Variants in EPB41L2 observed in about 807,000 individuals in gnomAD.
The protein encoded by EPB41L2 is band 4.1-like protein 2.
EPB41L2 carries 43 observed loss-of-function variants against 113.0 expected under a neutral mutation model. The observed-to-expected ratio is 0.38, with a 90% CI of 0.30 to 0.49. EPB41L2 has a LOEUF of 0.49. Among genes scored for constraint, EPB41L2 ranks in the 20% least tolerant of loss-of-function variants. The probability of loss-of-function intolerance (pLI) is 0.95; values close to 1 mark genes in which losing one functional copy is unlikely to be tolerated. For missense variants in EPB41L2, 1,147 were observed against 1,223.4 expected, an observed-to-expected ratio of 0.94 and a Z score of 0.93; for synonymous variants, 442 against 436.7, an observed-to-expected ratio of 1.01 and a Z score of -0.15.
At chr6:130,885,356 G>T in intron 11 of EPB41L2, 88 bp from the exon 12 acceptor site, 2 of 1,268,640 alleles carry the variant, frequency 1.6e-6, no homozygotes, top group Non-Finnish European at 1.1e-6. Context: ...AGATAAACAG[G>T]CAGCATATAA....
rs185848521 is a variant in EPB41L2, at chr6:130,839,886, G to A, written c.*718C>T. The stretch of plus-strand genomic sequence containing the variant: ...AAGCATTGGCACTGTGGTGCGGCAG[G>A]GTCTCTAAGCACAGTGCACAGTCAG... On this transcript the variant is annotated 3_prime_UTR_variant, in exon 20 of 20. Transcript: ENST00000337057. 6 of 152,262 alleles carry A rather than the reference G, an allele frequency of 3.9e-5. No individual in the cohort carries two copies. The East Asian group carries it at 9.6e-4, about 24-fold the overall frequency. The allele number at this position is 152,262 out of a possible 1,614,324, so 9.4% of individuals were successfully genotyped here.
intron 1 of EPB41L2, among the ~76,000 whole-genome samples, chr6:131,059,038 C>T (rs1006308563): frequency 6.6e-6 from 1 of 151,642 alleles, no homozygotes; most frequent in African/African-American, 2.4e-5. Context: ...AAAACAACAA[C>T]AGCAACAAAA....
chr6:130,968,041 T>C (rs929080841), intron 1 of EPB41L2, among the ~76,000 whole-genome samples: 4 of 152,138 alleles, frequency 2.6e-5, no homozygotes, highest in Non-Finnish European at 5.9e-5. Context: ...CCCACAACTA[T>C]CTTATGCATA....
At position 130,901,178 on chromosome 6, in the gene EPB41L2, T is replaced by A. The variant is rs772805274; in HGVS notation, c.932A>T (p.Tyr311Phe). 1.2e-6 allele frequency: 2 copies of A among 1,613,022 alleles called. No individual in the cohort carries two copies. Among genetic ancestry groups the A allele is most frequent in the South Asian group, 2.2e-5 (2 of 91,032 alleles). ...PSQLTEDITR[Y>F]FLCLQLRQDI... ...CTGCCGGAGCTGAAGGCACAAGAAG[T>A]ATCTGTGAGGAGCAGAGGGAGAAAT... Residue 311 changes from tyrosine to phenylalanine, a missense_variant and splice_region_variant, in exon 7 of 20, where the codon TAC (tyrosine) becomes TTC (phenylalanine). Tyr to Phe is a conservative substitution (Grantham distance 22). Transcript: ENST00000337057.
Position 130,966,491 on chromosome 6 carries a change from G to C in EPB41L2, c.-14-9992C>G, listed in dbSNP as rs546232953. 2.0e-5 allele frequency among the ~76,000 whole-genome samples: 3 copies of C among 147,502 alleles called. No homozygotes were observed. In the South Asian group the frequency reaches 6.7e-4, roughly 33 times the overall value. On this transcript the variant is annotated intron_variant, in intron 1 of 19. Coordinates refer to ENST00000337057, the MANE Select transcript of EPB41L2 (RefSeq NM_001431.4). The stretch of plus-strand genomic sequence containing the variant: ...AGCGTGTGGGAGATACACAAATAAA[G>C]GATGCGAATATGCATATGTGAATAT...
chr6:131,025,282 T>C (rs1262477366), intron 1 of EPB41L2, among the ~76,000 whole-genome samples: 1 of 152,156 alleles, frequency 6.6e-6, no homozygotes, highest in Non-Finnish European at 1.5e-5. Flanking sequence ...CATCCAAAAG[T>C]ACTTAGCATA....
In EPB41L2 at chr6:131,047,066, T is replaced by A. The variant is rs544580427; in HGVS notation, c.-15+16089A>T. Among the ~76,000 whole-genome samples, 331 of 152,316 alleles carry A rather than the reference T, an allele frequency of 2.2e-3. 1 individual carries two copies. The highest frequency in any genetic ancestry group is 4.1e-3 in the Non-Finnish European group (278 of 68,022). On this transcript the variant is annotated intron_variant, in intron 1 of 19. Transcript: ENST00000337057. ...CCACCATTAATTGGCTGAGTGACCC[T>A]GAGCAAGTTACTTCAAACTGCAGTG...
intron 6 of EPB41L2, among the ~76,000 whole-genome samples, chr6:130,902,173 A>C (rs1225959806): frequency 6.6e-6 from 1 of 152,174 alleles, no homozygotes; most frequent in East Asian, 1.9e-4. Context: ...CCTTTTAGAG[A>C]CTGGCATTCA....
Position 130,923,393 on chromosome 6 carries a change from CAT to C in EPB41L2, c.810+3210_810+3211del, listed in dbSNP as rs1426125957. 2.6e-5 allele frequency among the ~76,000 whole-genome samples: 4 copies of C among 152,330 alleles called. No individual in the cohort carries two copies. In the East Asian group the frequency reaches 7.7e-4, roughly 29 times the overall value. ...AAAAAGGAAATGTCCCAAGCCTTAA[CAT>C]ATAGCCTTAAGTGGCCCTGCATGAT... On this transcript the variant is annotated intron_variant, in intron 4 of 19. Coordinates refer to ENST00000337057, the MANE Select transcript of EPB41L2 (RefSeq NM_001431.4).
chr6:130,997,089 T>C (rs951753572), intron 1 of EPB41L2, among the ~76,000 whole-genome samples: 3 of 152,220 alleles, frequency 2.0e-5, no homozygotes, highest in African/African-American at 4.8e-5. Context: ...CTTGGCACTA[T>C]ACACAAGAAA....
At chr6:131,017,136 A>G (rs1267797084) in intron 1 of EPB41L2, among the ~76,000 whole-genome samples, 1 of 152,196 alleles carries the variant, frequency 6.6e-6, no homozygotes, top group Non-Finnish European at 1.5e-5. Context: ...TTGAGTTACA[A>G]TAAAAATCCT....
At chr6:131,010,777 T>C (rs1164179343) in intron 1 of EPB41L2, among the ~76,000 whole-genome samples, 1 of 152,088 alleles carries the variant, frequency 6.6e-6, no homozygotes. Flanking sequence ...TACCAGCAAA[T>C]AGGCAGATCA....
At chr6:131,012,250 G>GA (rs957271072) in intron 1 of EPB41L2, among the ~76,000 whole-genome samples, 5 of 151,010 alleles carry the variant, frequency 3.3e-5, no homozygotes, top group East Asian at 1.9e-4. Context: ...GTTTTGTTAT[G>GA]AAAAAAAATC....
chr6:130,957,409 C>T (rs899314427), intron 1 of EPB41L2, among the ~76,000 whole-genome samples: 8 of 152,184 alleles, frequency 5.3e-5, no homozygotes, highest in African/African-American at 1.9e-4. Context: ...CGGAGATAGC[C>T]GATCACATTC....
At chr6:131,048,370 C>T (rs777391945) in intron 1 of EPB41L2, among the ~76,000 whole-genome samples, 4 of 152,040 alleles carry the variant, frequency 2.6e-5, no homozygotes, top group Non-Finnish European at 5.9e-5. Flanking sequence ...TTAAAGCATT[C>T]TCTATGTCCA....
At chr6:131,043,257 C>T (rs1164480533) in intron 1 of EPB41L2, among the ~76,000 whole-genome samples, 9 of 151,882 alleles carry the variant, frequency 5.9e-5, no homozygotes, top group African/African-American at 2.2e-4. Flanking sequence ...GCCAAAATCT[C>T]GCCGCTGCAC....
chr6:130,922,832 T>C (rs146433582), intron 4 of EPB41L2, among the ~76,000 whole-genome samples: 1 of 152,300 alleles, frequency 6.6e-6, no homozygotes, highest in African/African-American at 2.4e-5. Context: ...CATATGAATA[T>C]GATATTCACA....
chr6:130,992,072 G>A (rs1782001762), intron 1 of EPB41L2, among the ~76,000 whole-genome samples: 1 of 152,066 alleles, frequency 6.6e-6, no homozygotes, highest in Non-Finnish European at 1.5e-5. Flanking sequence ...TTACACACAT[G>A]TTGAGTAAAT....
In EPB41L2 at chr6:130,900,945, T is replaced by C. The variant is rs774436492; in HGVS notation, c.1148+17A>G. ...AATCTCCCATGGCCATTCTCTCCAG[T>C]AAGCAAGGCAACAGACCTGTGGGTT... On this transcript the variant is annotated intron_variant, in intron 7 of 19. Coordinates refer to ENST00000337057, the MANE Select transcript of EPB41L2 (RefSeq NM_001431.4). 1 of 1,613,006 alleles carries C rather than the reference T, an allele frequency of 6.2e-7. No individual in the cohort carries two copies. The highest frequency in any genetic ancestry group is 8.5e-7 in the Non-Finnish European group (1 of 1,178,974).
Sources: gnomAD v4.1 joint callset for allele counts (sites outside exome capture counted in the v4.1 genomes callset) on GRCh38, gnomAD v4.1.1 for gene constraint, MANE v1.5 for transcripts, NCBI Gene and HGNC (gene_info 2026-07-23, HGNC 2026-07-21) for gene names.